GNG7: variants seen among roughly 807,000 people sequenced by gnomAD.
GNG7 encodes the protein G protein subunit gamma 7.
In GNG7, 1 loss-of-function variant was observed where a neutral mutation model predicts 4.0. The ratio of observed to expected loss-of-function variants is 0.25; its 90% confidence interval spans 0.09 to 1.18. GNG7 has a LOEUF of 1.18. Among genes scored for constraint, GNG7 ranks in the 50% most tolerant of loss-of-function variants. GNG7 has a pLI of 0.50. For synonymous variants in GNG7, 34 were observed against 36.9 expected (o/e 0.92, Z 0.29); for missense variants, 86 against 91.9 (o/e 0.94, Z 0.26).
chr19:2,585,794 G>A (rs1980654202), intron 2 of GNG7, among the ~76,000 whole-genome samples: 2 of 151,880 alleles, frequency 1.3e-5, no homozygotes, highest in African/African-American at 2.4e-5. Context: ...TCCGCCTCCC[G>A]GGTTCACGCC....
chr19:2,512,981 C>G lies in GNG7; in HGVS notation c.*2041G>C. On this transcript the variant is annotated 3_prime_UTR_variant, in exon 5 of 5. Coordinates refer to ENST00000382159, the MANE Select transcript of GNG7 (RefSeq NM_052847.3). The surrounding 1 kb of genome is among the most constrained non-coding windows in gnomAD (Gnocchi z 4.7). ...TCTCCGGGAGCCTCTGGGGCTCTCC[C>G]GGGCCAACAGCAGGTTTGGCGGGTA... 1.0e-6 allele frequency: 1 copy of G among 985,422 alleles called. No individual in the cohort carries two copies. The highest frequency in any genetic ancestry group is 4.7e-5 in the South Asian group (1 of 21,290). 61.0% of individuals were successfully genotyped at this position (985,422 alleles called of 1,614,324 possible).
At chr19:2,517,577 C>A (rs1189198386) in intron 4 of GNG7, among the ~76,000 whole-genome samples, 1 of 152,104 alleles carries the variant, frequency 6.6e-6, no homozygotes, top group Admixed American at 6.6e-5. Context: ...GTTGGCCAGG[C>A]TGGTCTCAAT....
chr19:2,594,918 G>A (rs1168787363), intron 2 of GNG7: 2 of 151,918 alleles, frequency 1.3e-5, no homozygotes, highest in Non-Finnish European at 2.9e-5. Flanking sequence ...AGGAGTTTGA[G>A]ACCAGCCTGG....
At chr19:2,558,850 G>A (rs1038642168) in intron 2 of GNG7, among the ~76,000 whole-genome samples, 1 of 150,756 alleles carries the variant, frequency 6.6e-6, no homozygotes. Context: ...CCAGGATGGA[G>A]TGCAATGGCG....
chr19:2,515,299 G>T, intron 4 of GNG7, 152 bp from the exon 5 acceptor site: 1 of 854,396 alleles, frequency 1.2e-6, no homozygotes, highest in Non-Finnish European at 1.8e-6. Flanking sequence ...CCGTCCACAC[G>T]CTGGAATATT....
chr19:2,521,669 A>G lies in GNG7; in HGVS notation c.-37-944T>C, dbSNP rs1344522533. Among the ~76,000 whole-genome samples the G allele has an allele frequency of 8.4e-5, 11 of 130,382 alleles. No homozygotes were observed. In the Admixed American group the frequency reaches 9.2e-4, roughly 11 times the overall value. 85.5% of individuals were successfully genotyped at this position (130,382 alleles called of 152,430 possible). A position where few individuals can be genotyped will look rare whatever the true frequency, so the allele number is the denominator to read the frequency against. ...TGCTCTGTTGCCCAGGCTGGAGTGC[A>G]GTGGTGTGATCTCGGCTCACTGCAA... On this transcript the variant is annotated intron_variant, in intron 3 of 4. Coordinates refer to ENST00000382159, the MANE Select transcript of GNG7 (RefSeq NM_052847.3).
In GNG7 at chr19:2,525,971, A is replaced by ATTT. The variant is rs35639922; in HGVS notation, c.-37-5249_-37-5247dup. 1.7e-3 allele frequency among the ~76,000 whole-genome samples: 130 copies of ATTT among 75,678 alleles called. 14 individuals are homozygous for ATTT. The highest frequency in any genetic ancestry group is 7.0e-3 in the African/African-American group (116 of 16,574). The allele number at this position is 75,678 out of a possible 152,430, so 49.6% of individuals were successfully genotyped here. A position where few individuals can be genotyped will look rare whatever the true frequency, so the allele number is the denominator to read the frequency against. On this transcript the variant is annotated intron_variant, in intron 3 of 4. Transcript: ENST00000382159. Reference sequence around the variant, plus strand: ...ATTACAGGTGCCTGCCTCCACGCCAATTTTTTTTTTTTTTTTTGAGACAGA... The same window carrying ATTT: ...ATTACAGGTGCCTGCCTCCACGCCAATTTTTTTTTTTTTTTTTTTTGAGACAGA...
chr19:2,669,743 C>T (rs1456106325), intron 1 of GNG7, among the ~76,000 whole-genome samples: 1 of 152,114 alleles, frequency 6.6e-6, no homozygotes, highest in African/African-American at 2.4e-5. Context: ...GGTGCAGCGG[C>T]TCATGCCTGT....
At chr19:2,572,908 T>G (rs914797079) in intron 2 of GNG7, among the ~76,000 whole-genome samples, 24 of 151,954 alleles carry the variant, frequency 1.6e-4, no homozygotes, top group African/African-American at 5.8e-4. Context: ...ATTCCAGAAC[T>G]GTTTCATCGC....
intron 1 of GNG7, among the ~76,000 whole-genome samples, chr19:2,672,690 C>T (rs1983486000): frequency 6.6e-6 from 1 of 151,994 alleles, no homozygotes; most frequent in Non-Finnish European, 1.5e-5. Flanking sequence ...AAGTGATTTG[C>T]CCGCCTCGAC....
At chr19:2,671,588 G>A (rs922460308) in intron 1 of GNG7, among the ~76,000 whole-genome samples, 3 of 152,008 alleles carry the variant, frequency 2.0e-5, no homozygotes, top group Non-Finnish European at 4.4e-5. Flanking sequence ...TTTGAGGTCA[G>A]CCCTGAGGCG....
chr19:2,649,933 T>C (rs538700395), intron 1 of GNG7, among the ~76,000 whole-genome samples: 13 of 152,064 alleles, frequency 8.5e-5, no homozygotes, highest in African/African-American at 3.1e-4. Flanking sequence ...CCTGGACATT[T>C]CATAGAAATG....
rs112916541 is a variant in GNG7, at chr19:2,514,827, T to A, written c.*195A>T. 1,148 of 539,502 alleles carry A rather than the reference T, an allele frequency of 2.1e-3. 16 individuals are homozygous for A. Among genetic ancestry groups the A allele is most frequent in the African/African-American group, 0.018 (970 of 52,480 alleles). The allele number at this position is 539,502 out of a possible 1,614,324, so 33.4% of individuals were successfully genotyped here. A position where few individuals can be genotyped will look rare whatever the true frequency, so the allele number is the denominator to read the frequency against. ...AATTCATCTCCACCTACAAGGTCCA[T>A]TCTACCCCATCCGGGCGGTGGGAAC... On this transcript the variant is annotated 3_prime_UTR_variant, in exon 5 of 5. Transcript: ENST00000382159.
chr19:2,663,350 C>G (rs571710261), intron 1 of GNG7, among the ~76,000 whole-genome samples: 19 of 151,542 alleles, frequency 1.3e-4, no homozygotes, highest in Admixed American at 5.3e-4. Flanking sequence ...CTCTCTCCCC[C>G]CCCTCCTCTT....
At chr19:2,655,731 C>T (rs1383562232) in intron 1 of GNG7, among the ~76,000 whole-genome samples, 1 of 147,504 alleles carries the variant, frequency 6.8e-6, no homozygotes, top group Non-Finnish European at 1.5e-5. Context: ...CCCAGCTACT[C>T]GGGAGCCTGA....
intron 3 of GNG7, among the ~76,000 whole-genome samples, chr19:2,536,101 G>A (rs1978727037): frequency 2.0e-5 from 3 of 151,994 alleles, no homozygotes. Flanking sequence ...CTTCAGCCGG[G>A]CAACAGAGTG....
chr19:2,655,569 T>C (rs895824156), intron 1 of GNG7, among the ~76,000 whole-genome samples: 3 of 151,836 alleles, frequency 2.0e-5, no homozygotes, highest in African/African-American at 7.3e-5. Context: ...CCGGGTGCGG[T>C]GGCTCATGCC....
At chr19:2,601,925 G>A (rs1295725601) in intron 2 of GNG7, among the ~76,000 whole-genome samples, 1 of 151,846 alleles carries the variant, frequency 6.6e-6, no homozygotes, top group Admixed American at 6.6e-5. Flanking sequence ...GAGAAGACAG[G>A]GGAGGGGAGG....
At chr19:2,521,311 G>A (rs1397648010) in intron 3 of GNG7, among the ~76,000 whole-genome samples, 2 of 152,090 alleles carry the variant, frequency 1.3e-5, no homozygotes, top group Non-Finnish European at 2.9e-5. Context: ...AAGGCAATAG[G>A]CCAGGCCCTC....
Sources: gnomAD v4.1 joint callset for allele counts (sites outside exome capture counted in the v4.1 genomes callset) on GRCh38, gnomAD v4.1.1 for gene constraint, Gnocchi (gnomAD v3.1) non-coding constraint, MANE v1.5 for transcripts, NCBI Gene and HGNC (gene_info 2026-07-23, HGNC 2026-07-21) for gene names.